Variants in RBFOX1 observed in about 807,000 individuals in gnomAD.
RBFOX1 encodes the protein RNA binding protein fox-1 homolog 1.
RBFOX1 carries 8 observed loss-of-function variants against 57.7 expected under a neutral mutation model. That is an observed-to-expected ratio of 0.14 (90% CI 0.08 to 0.25). The LOEUF is 0.25. Ranked by LOEUF, RBFOX1 falls within the 10% of genes least tolerant of loss-of-function variation. The pLI is 1.00. For missense variants in RBFOX1, 611 were observed against 548.5 expected, an observed-to-expected ratio of 1.11 and a Z score of -1.14; for synonymous variants, 326 against 222.4, an observed-to-expected ratio of 1.47 and a Z score of -4.15.
chr16:6,100,484 T>C (rs1268969704), intron 1 of RBFOX1, among the ~76,000 whole-genome samples: 2 of 152,210 alleles, frequency 1.3e-5, no homozygotes, highest in African/African-American at 4.8e-5. Flanking sequence ...TATTCTAATG[T>C]GATGCTTTGG....
At chr16:6,546,389 A>G (rs2096896003) in intron 2 of RBFOX1, among the ~76,000 whole-genome samples, 1 of 152,204 alleles carries the variant, frequency 6.6e-6, no homozygotes, top group Non-Finnish European at 1.5e-5. Flanking sequence ...TTGCCTCACC[A>G]TTCTGGGCCA....
chr16:7,071,017 A>G (rs1015764575), intron 4 of RBFOX1, among the ~76,000 whole-genome samples: 18 of 152,206 alleles, frequency 1.2e-4, no homozygotes, highest in Non-Finnish European at 5.9e-5. Flanking sequence ...TACATTTGCC[A>G]TTAAGAGAAA....
chr16:7,480,535 G>A (rs981202815), intron 4 of RBFOX1, among the ~76,000 whole-genome samples: 1 of 152,054 alleles, frequency 6.6e-6, no homozygotes. Context: ...ATACATATAT[G>A]GTATTTACTT....
chr16:6,612,132 C>G (rs1486333693), intron 2 of RBFOX1, among the ~76,000 whole-genome samples: 1 of 152,122 alleles, frequency 6.6e-6, no homozygotes, highest in Non-Finnish European at 1.5e-5. Flanking sequence ...GGGATTATCC[C>G]TGGTAAGAAT....
chr16:7,615,663 C>T (rs78955279), intron 10 of RBFOX1, among the ~76,000 whole-genome samples: 1 of 151,956 alleles, frequency 6.6e-6, no homozygotes, highest in East Asian at 1.9e-4. Flanking sequence ...TGACCTTTCT[C>T]TTAGGGGAAT....
At chr16:5,247,839 C>T (rs1428561689) in intron 1 of RBFOX1, among the ~76,000 whole-genome samples, 1 of 152,170 alleles carries the variant, frequency 6.6e-6, no homozygotes, top group Non-Finnish European at 1.5e-5. Flanking sequence ...TGAGTCCAGC[C>T]ACCCTTGAAA....
chr16:6,964,984 C>T (rs2083795430), intron 3 of RBFOX1, among the ~76,000 whole-genome samples: 7 of 152,264 alleles, frequency 4.6e-5, no homozygotes, highest in East Asian at 3.9e-4. Context: ...GCCTATCCTA[C>T]GTGCTTCATA....
intron 2 of RBFOX1, among the ~76,000 whole-genome samples, chr16:5,494,703 C>G (rs1466153027): frequency 6.6e-6 from 1 of 152,130 alleles, no homozygotes; most frequent in African/African-American, 2.4e-5. Flanking sequence ...TTACTGAAGA[C>G]TAGAAACAGA....
At chr16:5,259,193 T>G (rs1237689352) in intron 1 of RBFOX1, among the ~76,000 whole-genome samples, 2 of 152,126 alleles carry the variant, frequency 1.3e-5, no homozygotes, top group African/African-American at 4.8e-5. Flanking sequence ...TAGTGCCTTT[T>G]TTTTTTTAGT....
At chr16:6,929,505 G>T (rs1211162393) in intron 3 of RBFOX1, among the ~76,000 whole-genome samples, 2 of 151,996 alleles carry the variant, frequency 1.3e-5, no homozygotes, top group Admixed American at 6.6e-5. Context: ...TTGCTTTATT[G>T]CAAGCCACAA....
chr16:5,913,045 A>G (rs1465876689), intron 4 of RBFOX1, among the ~76,000 whole-genome samples: 1 of 152,200 alleles, frequency 6.6e-6, no homozygotes, highest in African/African-American at 2.4e-5. Context: ...TAGCATTGCC[A>G]AGCGTGTGAC....
At chr16:6,404,289 G>T (rs1567202367) in intron 2 of RBFOX1, among the ~76,000 whole-genome samples, 1 of 152,188 alleles carries the variant, frequency 6.6e-6, no homozygotes, top group Admixed American at 6.6e-5. Flanking sequence ...GAGGATGTCT[G>T]AAAGTTGTAT....
chr16:6,843,550 A>C (rs144948172), intron 3 of RBFOX1, among the ~76,000 whole-genome samples: 2 of 152,004 alleles, frequency 1.3e-5, no homozygotes, highest in East Asian at 3.9e-4. Flanking sequence ...TTATCTAGGC[A>C]TGGTGGCGGG....
At chr16:5,732,117 A>C (rs1398613000) in intron 3 of RBFOX1, among the ~76,000 whole-genome samples, 1 of 152,208 alleles carries the variant, frequency 6.6e-6, no homozygotes, top group Non-Finnish European at 1.5e-5. Context: ...CACTTTTAGA[A>C]TTTGAATGGA....
At chr16:5,810,682 G>T (rs1376829853) in intron 3 of RBFOX1, among the ~76,000 whole-genome samples, 1 of 152,156 alleles carries the variant, frequency 6.6e-6, no homozygotes, top group East Asian at 1.9e-4. Context: ...TTCAGGAGTA[G>T]GGTCTTCATA....
At chr16:7,091,578 G>A (rs2060864079) in intron 4 of RBFOX1, among the ~76,000 whole-genome samples, 1 of 151,852 alleles carries the variant, frequency 6.6e-6, no homozygotes, top group African/African-American at 2.4e-5. Flanking sequence ...ACAGGATCCT[G>A]AGAGTCCTCT....
chr16:7,309,153 G>A (rs894903798), intron 4 of RBFOX1, among the ~76,000 whole-genome samples: 1 of 152,222 alleles, frequency 6.6e-6, no homozygotes, highest in Admixed American at 6.5e-5. Flanking sequence ...TCTCTTTCTA[G>A]AGGGATGTCT....
intron 3 of RBFOX1, among the ~76,000 whole-genome samples, chr16:5,832,981 G>T (rs1274473811): frequency 1.3e-5 from 2 of 152,132 alleles, no homozygotes; most frequent in African/African-American, 4.8e-5. Context: ...TGGGCCACAG[G>T]TGTTTTTGAG....
chr16:7,623,578 A>T lies in RBFOX1; in HGVS notation c.677-7025A>T, dbSNP rs143551283. ...GGAGCTCAGGTGGTAACATGAAGTA[A>T]CATGAACAATGAGGAGCGGCTGTCA... On this transcript the variant is annotated intron_variant, in intron 10 of 15. Coordinates refer to ENST00000550418, the MANE Select transcript of RBFOX1 (RefSeq NM_018723.4). Among the ~76,000 whole-genome samples the T allele has an allele frequency of 1.0e-3, 152 of 152,304 alleles. 1 individual carries two copies. The Middle Eastern group carries it at 0.014, about 14-fold the overall frequency.
Sources: gnomAD v4.1 joint callset for allele counts (sites outside exome capture counted in the v4.1 genomes callset) on GRCh38, gnomAD v4.1.1 for gene constraint, MANE v1.5 for transcripts, NCBI Gene and HGNC (gene_info 2026-07-23, HGNC 2026-07-21) for gene names.